The following COL15A1 variants were observed in gnomAD, a reference collection of about 807,000 sequenced individuals.
COL15A1 encodes collagen alpha-1(XV) chain.
COL15A1 carries 111 observed loss-of-function variants against 165.9 expected under a neutral mutation model. That is an observed-to-expected ratio of 0.67 (90% CI 0.57 to 0.78). The LOEUF is 0.78. Among genes scored for constraint, COL15A1 ranks in the 30% least tolerant of loss-of-function variants. COL15A1 has a pLI of 0.00. For synonymous variants in COL15A1, 659 were observed against 674.8 expected (o/e 0.98, Z 0.36); for missense variants, 1,745 against 1,789.7 (o/e 0.98, Z 0.45).
intron 28 of COL15A1, 52 bp from the exon 29 acceptor site, chr9:99,049,638 C>T (rs1026350991): frequency 6.2e-7 from 1 of 1,606,090 alleles, no homozygotes; most frequent in Non-Finnish European, 8.5e-7. Context: ...GTGGCTGCCC[C>T]TGCATTCACA....
intron 1 of COL15A1, 44 bp downstream of exon 1, chr9:98,944,116 A>G (rs766815864): frequency 1.9e-6 from 3 of 1,614,014 alleles, no homozygotes; most frequent in Admixed American, 1.7e-5. Context: ...GGCCCCTCCA[A>G]TACTCTTGCC....
In COL15A1 at chr9:98,963,899, G is replaced by A. The variant is rs546934667; in HGVS notation, c.100+19649G>A. 3.0e-4 allele frequency among the ~76,000 whole-genome samples: 46 copies of A among 152,252 alleles called. No individual in the cohort carries two copies. The East Asian group carries it at 3.3e-3, about 11-fold the overall frequency. ...TGACTTGCAGTGCCAGGCATGTGAC[G>A]GTGTGTGCTTGATAGTCATTTGTGA... On this transcript the variant is annotated intron_variant, in intron 2 of 41. Transcript: ENST00000375001.
At chr9:98,972,741 A>G (rs966384204) in intron 2 of COL15A1, among the ~76,000 whole-genome samples, 3 of 152,178 alleles carry the variant, frequency 2.0e-5, no homozygotes, top group Non-Finnish European at 4.4e-5. Flanking sequence ...CCCAGGGCCC[A>G]TGTCTAAGCA....
At chr9:98,954,510 A>G (rs1321223961) in intron 2 of COL15A1, among the ~76,000 whole-genome samples, 1 of 152,110 alleles carries the variant, frequency 6.6e-6, no homozygotes, top group Non-Finnish European at 1.5e-5. Context: ...CGTCTCTAAT[A>G]TTTTTTGTGT....
intron 2 of COL15A1, among the ~76,000 whole-genome samples, chr9:98,945,115 T>C (rs184834958): frequency 1.3e-5 from 2 of 152,112 alleles, no homozygotes; most frequent in Admixed American, 1.3e-4. Context: ...CAGTATATAC[T>C]AGGCACAAAA....
chr9:98,951,802 C>T (rs1244232100), intron 2 of COL15A1, among the ~76,000 whole-genome samples: 2 of 152,170 alleles, frequency 1.3e-5, no homozygotes, highest in African/African-American at 4.8e-5. Flanking sequence ...AAGCAATTCA[C>T]CCTTCTTGAC....
At chr9:98,971,214 T>C (rs1838045096) in intron 2 of COL15A1, among the ~76,000 whole-genome samples, 1 of 152,162 alleles carries the variant, frequency 6.6e-6, no homozygotes. Context: ...CCAGGAGCCA[T>C]GGGCTGTAGA....
chr9:99,039,504 A>G (rs1484390100), intron 22 of COL15A1, among the ~76,000 whole-genome samples: 1 of 152,208 alleles, frequency 6.6e-6, no homozygotes, highest in Non-Finnish European at 1.5e-5. Flanking sequence ...GTGAGACTCT[A>G]TCTCAAAACA....
chr9:99,044,859 A>G, intron 26 of COL15A1, 89 bp downstream of exon 26: 1 of 1,264,328 alleles, frequency 7.9e-7, no homozygotes, highest in South Asian at 1.2e-5. Flanking sequence ...TGTCCCGGTT[A>G]TGAAAATTCA....
At chr9:99,054,544 T>C in intron 31 of COL15A1, 32 bp from the exon 32 acceptor site, 1 of 1,489,218 alleles carries the variant, frequency 6.7e-7, no homozygotes, top group Non-Finnish European at 9.0e-7. Context: ...TGATTTTCCA[T>C]TTTTTTTTAA....
At chr9:99,066,316 C>A (rs1374051010) in intron 39 of COL15A1, among the ~76,000 whole-genome samples, 1 of 152,184 alleles carries the variant, frequency 6.6e-6, no homozygotes, top group Non-Finnish European at 1.5e-5. Flanking sequence ...TACTATAAGA[C>A]CCCTAGTTCC....
chr9:98,951,768 G>C (rs922997392), intron 2 of COL15A1, among the ~76,000 whole-genome samples: 5 of 152,132 alleles, frequency 3.3e-5, no homozygotes, highest in Non-Finnish European at 7.4e-5. Context: ...GTGTTGCCCA[G>C]GCTGGTCTAA....
chr9:99,050,027 G>A (rs1839560231), intron 30 of COL15A1, 132 bp downstream of exon 30: 15 of 1,256,944 alleles, frequency 1.2e-5, no homozygotes, highest in Non-Finnish European at 1.7e-5. Flanking sequence ...CCTAAGTGTA[G>A]ACCCTCAAGT....
intron 2 of COL15A1, among the ~76,000 whole-genome samples, chr9:98,971,647 C>G (rs543355551): frequency 6.6e-6 from 1 of 152,238 alleles, no homozygotes; most frequent in Non-Finnish European, 1.5e-5. Context: ...AAGACCCCCA[C>G]TGCAGCAAGA....
chr9:98,974,401 G>A lies in COL15A1; in HGVS notation c.101-11164G>A, dbSNP rs568709410. On this transcript the variant is annotated intron_variant, in intron 2 of 41. Transcript: ENST00000375001. ...TTTAGACATACCCAGGGTCCTTGGG[G>A]GCCACCTCTCTGTAGGGGTGTCCAA... is the stretch of plus-strand genomic sequence containing the variant. Among the ~76,000 whole-genome samples, 7 of 152,236 alleles carry A rather than the reference G, an allele frequency of 4.6e-5. No homozygotes were observed. In the East Asian group the frequency reaches 1.2e-3, roughly 25 times the overall value.
At chr9:98,992,659 C>T (rs375642406) in intron 5 of COL15A1, among the ~76,000 whole-genome samples, 1 of 152,262 alleles carries the variant, frequency 6.6e-6, no homozygotes, top group African/African-American at 2.4e-5. Context: ...TGTCAATTCT[C>T]GCTATTGTAT....
At chr9:99,049,420 A>C (rs569197246) in intron 28 of COL15A1, among the ~76,000 whole-genome samples, 130 of 152,284 alleles carry the variant, frequency 8.5e-4, no homozygotes, top group Non-Finnish European at 7.6e-4. Context: ...TGTGGTCTTG[A>C]GCAGGTCACC....
At chr9:99,069,570 A>G in intron 41 of COL15A1, 103 bp from the exon 42 acceptor site, 1 of 1,423,270 alleles carries the variant, frequency 7.0e-7, no homozygotes, top group East Asian at 2.3e-5. Context: ...CATCAGGGTT[A>G]AGGAGTTTAA....
At chr9:98,992,089 G>A (rs1838446499) in intron 5 of COL15A1, among the ~76,000 whole-genome samples, 3 of 152,278 alleles carry the variant, frequency 2.0e-5, no homozygotes, top group Admixed American at 6.5e-5. Context: ...AGCAGGTGGA[G>A]CGGCCTGCCA....
Sources: allele counts gnomAD v4.1 joint callset (sites outside exome capture counted in the v4.1 genomes callset), GRCh38; gene constraint gnomAD v4.1.1; transcripts MANE v1.5; gene names NCBI Gene and HGNC (gene_info 2026-07-23, HGNC 2026-07-21).